AKR1B15: variants seen among roughly 807,000 people sequenced by gnomAD.
The protein encoded by AKR1B15 is aldo-keto reductase family 1 member B15.
In AKR1B15, 49 loss-of-function variants were observed where a neutral mutation model predicts 38.5. That is an observed-to-expected ratio of 1.27 (90% confidence interval 1.01 to 1.62). The LOEUF (loss-of-function observed/expected upper bound fraction) is 1.62, where lower values mean the gene tolerates loss of function less well. Among genes scored for constraint, AKR1B15 ranks in the 40% most tolerant of loss-of-function variants. The probability of loss-of-function intolerance (pLI) is 0.00; values close to 1 mark genes in which losing one functional copy is unlikely to be tolerated. For missense variants in AKR1B15, 411 were observed against 381.6 expected (o/e 1.08, Z -0.64); for synonymous variants, 137 against 135.5 (o/e 1.01, Z -0.08).
intron 5 of AKR1B15, chr7:134,570,509 T>A (rs1413282318): frequency 6.6e-6 from 1 of 152,194 alleles, no homozygotes; most frequent in African/African-American, 2.4e-5. Context: ...CGAAACGTGA[T>A]GTCTCCCCCG....
At chr7:134,571,523 C>A (rs936395274) in intron 5 of AKR1B15, 81 bp from the exon 6 acceptor site, 10 of 1,032,634 alleles carry the variant, frequency 9.7e-6, no homozygotes, top group Non-Finnish European at 1.4e-5. Flanking sequence ...ATTTAGCAAG[C>A]ATCAGGATCC....
chr7:134,576,962 G>A lies in AKR1B15; in HGVS notation c.826-1G>A. ...AAACATGATGTCCCCTTTCTGCACA[G>A]GTTCTGATCCGTTTCCATATCCAGA... On this transcript the variant is annotated splice_acceptor_variant, in intron 9 of 11. Transcript: ENST00000457545. LOFTEE classifies it high-confidence loss of function. 1 of 1,613,344 alleles carries A rather than the reference G, an allele frequency of 6.2e-7. No individual in the cohort carries two copies.
intron 2 of AKR1B15, among the ~76,000 whole-genome samples, chr7:134,560,681 T>TA (rs1336646600): frequency 6.6e-6 from 1 of 152,140 alleles, no homozygotes; most frequent in Non-Finnish European, 1.5e-5. Flanking sequence ...TCACTAATGT[T>TA]AAAAAACAAA....
intron 3 of AKR1B15, among the ~76,000 whole-genome samples, chr7:134,566,800 G>A (rs756402934): frequency 5.3e-5 from 8 of 152,062 alleles, no homozygotes; most frequent in Non-Finnish European, 1.5e-5. Flanking sequence ...ATAAAGTCTT[G>A]GTCTATCTGG....
At position 134,576,489 on chromosome 7, in the gene AKR1B15, A is replaced by T. The variant is rs1273173041; in HGVS notation, c.825+59A>T. 1.9e-6 allele frequency: 3 copies of T among 1,584,056 alleles called. No individual in the cohort carries two copies. The African/African-American group carries it at 4.0e-5, about 21-fold the overall frequency. The stretch of plus-strand genomic sequence containing the variant: ...ACTCATGCTTCCAGTCTCATGTTTC[A>T]TTTCTCGTGTTGTCCTCAACTGACT... On this transcript the variant is annotated intron_variant, in intron 9 of 11. Transcript: ENST00000457545.
chr7:134,553,332 G>A (rs894966920), intron 1 of AKR1B15, among the ~76,000 whole-genome samples: 1 of 152,206 alleles, frequency 6.6e-6, no homozygotes, highest in African/African-American at 2.4e-5. Flanking sequence ...GGCACTAACT[G>A]AGGCCCCTGC....
At chr7:134,552,389 C>A (rs1562939308) in intron 1 of AKR1B15, among the ~76,000 whole-genome samples, 1 of 152,136 alleles carries the variant, frequency 6.6e-6, no homozygotes, top group Non-Finnish European at 1.5e-5. Flanking sequence ...CCTCATACCT[C>A]CCAGGACTGG....
rs1054976890 is a variant in AKR1B15 at position 134,567,697 on chromosome 7, C to A, written c.151-461C>A. Among the ~76,000 whole-genome samples, 20 of 152,108 alleles carry A rather than the reference C, an allele frequency of 1.3e-4. No homozygotes were observed. The South Asian group carries it at 1.9e-3, about 14-fold the overall frequency. ...CCGTTTGGGGAAATTGTCTGAAAAT[C>A]CCTCTGGGTTATTTAGAGTCAAGCT... On this transcript the variant is annotated intron_variant, in intron 3 of 11. Transcript: ENST00000457545.
chr7:134,550,630 A>G (rs992169857), intron 1 of AKR1B15, among the ~76,000 whole-genome samples: 1 of 152,300 alleles, frequency 6.6e-6, no homozygotes, highest in East Asian at 1.9e-4. Flanking sequence ...TTCTGATACC[A>G]TAGCCTCCCA....
chr7:134,550,983 C>T (rs1793950047), intron 1 of AKR1B15, among the ~76,000 whole-genome samples: 2 of 152,190 alleles, frequency 1.3e-5, no homozygotes, highest in African/African-American at 4.8e-5. Flanking sequence ...TAGATTTAGT[C>T]CAGAGCTCTC....
chr7:134,577,129 C>T, intron 10 of AKR1B15, 83 bp downstream of exon 10: 4 of 1,376,712 alleles, frequency 2.9e-6, no homozygotes, highest in Non-Finnish European at 3.1e-6. Flanking sequence ...CTCACCTCAT[C>T]CCTGCACTGT....
rs1463283579 is a variant in AKR1B15 at position 134,579,535 on chromosome 7, G to C, written c.1021G>C (p.Asp341His). Residue 341 changes from aspartate (D) to histidine (H), a missense_variant, in exon 12 of 12, where the codon GAT becomes CAT. Around this residue, in one of 3 missense-constraint regions of AKR1B15, gnomAD observed 133 missense variants for 120.3 expected, o/e 1.11. Transcript: ENST00000457545. The stretch of plus-strand genomic sequence containing the variant: ...CTCTCATTTGGAGGACTTTCCCTTC[G>C]ATGCAGAATATTGAGGTTGAATCTC... ...EFSHLEDFPF[D>H]AEY The C allele has an allele frequency of 6.3e-7, 1 of 1,595,084 alleles. No individual in the cohort carries two copies. Among genetic ancestry groups the C allele is most frequent in the Non-Finnish European group, 8.5e-7 (1 of 1,170,196 alleles).
Position 134,569,414 on chromosome 7 carries a change from T to C in AKR1B15, c.320T>C (p.Val107Ala), listed in dbSNP as rs772191415. ...MREDLFIVSK[V>A]WPTFFERPLV... ...AGCTCATTGCTACACTCTTTGCAGGTGTGGCCCACTTTCTTTGAGAGACCC... is the reference window on the plus strand; with the variant it reads ...AGCTCATTGCTACACTCTTTGCAGGCGTGGCCCACTTTCTTTGAGAGACCC... Residue 107 changes from valine to alanine, a missense_variant and splice_region_variant, in exon 5 of 12, where the codon GTG becomes GCG. Physicochemically the swap from Val to Ala is moderately conservative, Grantham distance 64. This residue lies in a region of AKR1B15 where 254 missense variants were observed against 212.4 expected (regional missense o/e 1.20). Coordinates refer to ENST00000457545, the MANE Select transcript of AKR1B15 (RefSeq NM_001080538.3). 6.2e-7 allele frequency: 1 copy of C among 1,614,070 alleles called. No homozygotes were observed. The highest frequency in any genetic ancestry group is 1.1e-5 in the South Asian group (1 of 91,074).
At chr7:134,553,852 G>A (rs1339894093) in intron 1 of AKR1B15, among the ~76,000 whole-genome samples, 2 of 152,168 alleles carry the variant, frequency 1.3e-5, no homozygotes, top group Non-Finnish European at 2.9e-5. Context: ...TTTACAGATG[G>A]TAGCAGCTTC....
chr7:134,573,645 C>T (rs76418071), intron 6 of AKR1B15: 26,934 of 651,450 alleles, frequency 0.041, 632 homozygotes, highest in South Asian at 0.079. Flanking sequence ...AGTTTTAATA[C>T]GGGAAAACTA....
intron 6 of AKR1B15, among the ~76,000 whole-genome samples, chr7:134,572,686 G>C (rs1478491363): frequency 1.3e-5 from 2 of 151,244 alleles, no homozygotes; most frequent in Non-Finnish European, 2.9e-5. Context: ...CTGCTTCTCA[G>C]ATCAAACCCA....
intron 11 of AKR1B15, 33 bp downstream of exon 11, chr7:134,577,819 C>T: frequency 1.2e-6 from 2 of 1,608,080 alleles, no homozygotes; most frequent in East Asian, 2.2e-5. Flanking sequence ...GAAGAATTGC[C>T]AGGAGTTTTT....
At chr7:134,562,783 ATCTTT>A (rs1413911907) in intron 2 of AKR1B15, among the ~76,000 whole-genome samples, 2 of 151,376 alleles carry the variant, frequency 1.3e-5, no homozygotes, top group African/African-American at 2.4e-5. Context: ...TTCTTTCTTA[ATCTTT>A]TCTTTTCTTT....
intron 6 of AKR1B15, among the ~76,000 whole-genome samples, chr7:134,575,149 T>A (rs768542109): frequency 1.1e-4 from 17 of 152,240 alleles, no homozygotes; most frequent in Non-Finnish European, 2.1e-4. Context: ...CTATAATTTT[T>A]TATGTGTTTC....
Sources: allele counts gnomAD v4.1 joint callset (sites outside exome capture counted in the v4.1 genomes callset), GRCh38; gene constraint gnomAD v4.1.1; regional missense constraint gnomAD v4.1.1; transcripts MANE v1.5; gene names NCBI Gene and HGNC (gene_info 2026-07-23, HGNC 2026-07-21).